PPARGC1A: variants seen among roughly 807,000 people sequenced by gnomAD.
PPARGC1A encodes the protein PPARG coactivator 1 alpha, also known as peroxisome proliferator-activated receptor gamma coactivator 1-alpha.
In PPARGC1A, 25 loss-of-function variants were observed where a neutral mutation model predicts 88.7. That is an observed-to-expected ratio of 0.28 (90% CI 0.21 to 0.39). The LOEUF is 0.39. Ranked by LOEUF, PPARGC1A falls within the 10% of genes least tolerant of loss-of-function variation. The probability of loss-of-function intolerance (pLI) is 1.00; values close to 1 mark genes in which losing one functional copy is unlikely to be tolerated. For missense variants in PPARGC1A, 880 were observed against 968.7 expected (o/e 0.91, Z 1.22); for synonymous variants, 363 against 355.6 (o/e 1.02, Z -0.24).
chr4:24,281,108 C>T, the PPARGC1A span, among the ~76,000 whole-genome samples: 2 of 152,202 alleles, frequency 1.3e-5, no homozygotes, highest in East Asian at 1.9e-4. Context: ...ATAGGCTTGA[C>T]ATGTGGCATA....
the PPARGC1A span, among the ~76,000 whole-genome samples, chr4:24,357,116 C>G: frequency 6.6e-6 from 1 of 152,214 alleles, no homozygotes; most frequent in African/African-American, 2.4e-5. Flanking sequence ...CCAGCCTGAG[C>G]GTTCAGGTGC....
At chr4:24,437,562 T>C in the PPARGC1A span, among the ~76,000 whole-genome samples, 1 of 152,168 alleles carries the variant, frequency 6.6e-6, no homozygotes, top group East Asian at 1.9e-4. Context: ...GACTTTGAGT[T>C]AATTCTGTAA....
At chr4:23,947,398 A>ATAT in the PPARGC1A span, among the ~76,000 whole-genome samples, 434 of 17,310 alleles carry the variant, frequency 0.025, 3 homozygotes, top group South Asian at 0.032. Context: ...TATATATATA[A>ATAT]AAAAAACGGT....
At chr4:23,896,758 A>G (rs1394692343) in intron 1 of PPARGC1A, among the ~76,000 whole-genome samples, 1 of 152,224 alleles carries the variant, frequency 6.6e-6, no homozygotes, top group African/African-American at 2.4e-5. Flanking sequence ...AATATTTTCA[A>G]GAATGGTATA....
chr4:23,952,725 A>G, the PPARGC1A span, among the ~76,000 whole-genome samples: 651 of 152,204 alleles, frequency 4.3e-3, 3 homozygotes, highest in African/African-American at 0.015. Context: ...GGGCTTATAC[A>G]ATGTAAGGAA....
chr4:24,209,427 A>G, the PPARGC1A span, among the ~76,000 whole-genome samples: 1 of 152,200 alleles, frequency 6.6e-6, no homozygotes. Context: ...AGACATTTTC[A>G]GTTGCCACAG....
At chr4:24,041,101 T>C in the PPARGC1A span, among the ~76,000 whole-genome samples, 1 of 152,204 alleles carries the variant, frequency 6.6e-6, no homozygotes, top group East Asian at 1.9e-4. Flanking sequence ...GTGCAGGGAA[T>C]TCTCTATTTG....
the PPARGC1A span, among the ~76,000 whole-genome samples, chr4:24,081,539 T>G: frequency 6.6e-6 from 1 of 152,180 alleles, no homozygotes; most frequent in Non-Finnish European, 1.5e-5. Context: ...GCATTATGAT[T>G]AGCATAGGAA....
At chr4:24,309,437 G>T in the PPARGC1A span, among the ~76,000 whole-genome samples, 1 of 152,112 alleles carries the variant, frequency 6.6e-6, no homozygotes, top group Non-Finnish European at 1.5e-5. Context: ...GGGAAAAGTG[G>T]CCAGGGTGAG....
chr4:24,224,327 T>A, the PPARGC1A span, among the ~76,000 whole-genome samples: 1 of 151,766 alleles, frequency 6.6e-6, no homozygotes, highest in Non-Finnish European at 1.5e-5. Flanking sequence ...GGGAAAGGGG[T>A]CAGTAGGTTG....
the PPARGC1A span, among the ~76,000 whole-genome samples, chr4:24,314,952 T>C: frequency 6.6e-6 from 1 of 151,482 alleles, no homozygotes; most frequent in African/African-American, 2.4e-5. Context: ...ATAACTCTTA[T>C]GGCATCCCTG....
chr4:23,886,518 G>C (rs532273973), intron 1 of PPARGC1A, among the ~76,000 whole-genome samples: 1 of 152,170 alleles, frequency 6.6e-6, no homozygotes, highest in African/African-American at 2.4e-5. Flanking sequence ...CAGGGACAAG[G>C]GAATGCAAAG....
the PPARGC1A span, among the ~76,000 whole-genome samples, chr4:24,349,351 G>A: frequency 6.6e-6 from 1 of 152,182 alleles, no homozygotes; most frequent in Non-Finnish European, 1.5e-5. Flanking sequence ...AGTGGGCGGG[G>A]CCCTAGAACT....
In PPARGC1A at chr4:23,820,128, T is replaced by C. The variant is rs546795140; in HGVS notation, c.877+4152A>G. Among the ~76,000 whole-genome samples, 5 of 152,268 alleles carry C rather than the reference T, an allele frequency of 3.3e-5. No individual in the cohort carries two copies. The East Asian group carries it at 9.7e-4, about 29-fold the overall frequency. ...AATGAGTATTTTGTTGTTGTTTATT[T>C]GTGAGTCTACTAAAGTACACTTTGA... On this transcript the variant is annotated intron_variant, in intron 7 of 12. Coordinates refer to ENST00000264867, the MANE Select transcript of PPARGC1A (RefSeq NM_013261.5).
At chr4:24,088,938 G>C in the PPARGC1A span, among the ~76,000 whole-genome samples, 1 of 152,110 alleles carries the variant, frequency 6.6e-6, no homozygotes, top group Non-Finnish European at 1.5e-5. Context: ...TCTGAGCCTT[G>C]CTATTTACAT....
chr4:24,058,068 G>A, the PPARGC1A span, among the ~76,000 whole-genome samples: 5 of 152,170 alleles, frequency 3.3e-5, no homozygotes, highest in African/African-American at 1.2e-4. Flanking sequence ...AACAGACAGC[G>A]AACTCTTGTA....
chr4:24,201,623 C>T, the PPARGC1A span, among the ~76,000 whole-genome samples: 1 of 152,208 alleles, frequency 6.6e-6, no homozygotes, highest in Non-Finnish European at 1.5e-5. Flanking sequence ...CACTGCTTTC[C>T]TTGTTCATCT....
the PPARGC1A span, among the ~76,000 whole-genome samples, chr4:24,092,299 C>T: frequency 6.6e-6 from 1 of 152,122 alleles, no homozygotes; most frequent in Non-Finnish European, 1.5e-5. Flanking sequence ...TTTGAATGAA[C>T]TCCTCAAACT....
At chr4:24,437,099 A>G in the PPARGC1A span, among the ~76,000 whole-genome samples, 3 of 152,224 alleles carry the variant, frequency 2.0e-5, no homozygotes, top group Non-Finnish European at 4.4e-5. Flanking sequence ...TTCTTTCAAG[A>G]CTGGGCTTTT....
Sources: allele counts gnomAD v4.1 joint callset (sites outside exome capture counted in the v4.1 genomes callset), GRCh38; gene constraint gnomAD v4.1.1; transcripts MANE v1.5; gene names NCBI Gene and HGNC (gene_info 2026-07-23, HGNC 2026-07-21).